The following PHLDB2 variants were observed in gnomAD, a reference collection of about 807,000 sequenced individuals.
PHLDB2 encodes the protein pleckstrin homology like domain family B member 2.
PHLDB2 carries 71 observed loss-of-function variants against 123.6 expected under a neutral mutation model. The ratio of observed to expected loss-of-function variants is 0.57; its 90% CI spans 0.47 to 0.70. The LOEUF (loss-of-function observed/expected upper bound fraction) is 0.70. PHLDB2 is among the 30% of genes least tolerant of loss of function. The pLI, the probability that PHLDB2 is intolerant of heterozygous loss-of-function variation, is 0.00. For synonymous variants in PHLDB2, 547 were observed against 541.6 expected, an observed-to-expected ratio of 1.01 and a Z score of -0.14; for missense variants, 1,446 against 1,519.5, an observed-to-expected ratio of 0.95 and a Z score of 0.80.
chr3:111,958,328 C>A, intron 12 of PHLDB2: 1 of 988,690 alleles, frequency 1.0e-6, no homozygotes. Context: ...GTTAGAAATA[C>A]TGGTTAATTT....
At chr3:111,768,777 G>C (rs568392757) in intron 1 of PHLDB2, among the ~76,000 whole-genome samples, 2 of 152,166 alleles carry the variant, frequency 1.3e-5, no homozygotes, top group African/African-American at 4.8e-5. Context: ...CTTGGAGTTT[G>C]CTCTGCCCTG....
chr3:111,958,792 C>A (rs1559922917), intron 12 of PHLDB2: 1 of 450,628 alleles, frequency 2.2e-6, no homozygotes, highest in East Asian at 7.0e-5. Context: ...AAAACAGAAA[C>A]CAAATAGTCT....
At chr3:111,953,902 C>T (rs768614834) in intron 11 of PHLDB2, 28 bp from the exon 12 acceptor site, 1 of 1,587,620 alleles carries the variant, frequency 6.3e-7, no homozygotes, top group Non-Finnish European at 8.6e-7. Flanking sequence ...TGCAGCTTGC[C>T]TGAAGTACTC....
chr3:111,955,159 A>C (rs994287854), intron 12 of PHLDB2, among the ~76,000 whole-genome samples: 12 of 138,886 alleles, frequency 8.6e-5, no homozygotes, highest in African/African-American at 3.3e-4. Flanking sequence ...ATATATATAT[A>C]TCTCTCACTG....
intron 1 of PHLDB2, among the ~76,000 whole-genome samples, chr3:111,734,948 G>A (rs893015178): frequency 6.6e-6 from 1 of 152,188 alleles, no homozygotes; most frequent in Non-Finnish European, 1.5e-5. Context: ...GATAAAACAG[G>A]CAAGAGCAAA....
At chr3:111,911,183 G>A (rs2067860782) in intron 2 of PHLDB2, among the ~76,000 whole-genome samples, 1 of 152,170 alleles carries the variant, frequency 6.6e-6, no homozygotes, top group Admixed American at 6.5e-5. Flanking sequence ...TATCTTTCAT[G>A]CTTTTGAACA....
Position 111,860,753 on chromosome 3 carries a change from C to G in PHLDB2, c.-15+1177C>G, listed in dbSNP as rs2064795359. Among the ~76,000 whole-genome samples, 3 of 152,336 alleles carry G rather than the reference C, an allele frequency of 2.0e-5. No homozygotes were observed. The South Asian group carries it at 6.2e-4, about 32-fold the overall frequency. On this transcript the variant is annotated intron_variant, in intron 1 of 17. Coordinates refer to ENST00000431670, the MANE Select transcript of PHLDB2 (RefSeq NM_001134438.2). ...TCCTCCGGGCGCCTGGCCCTGCCCT[C>G]TTCCCTAGAAATCTTTATCCTGCAA...
chr3:111,905,384 T>C (rs764972919), intron 2 of PHLDB2, among the ~76,000 whole-genome samples: 1 of 152,168 alleles, frequency 6.6e-6, no homozygotes, highest in Non-Finnish European at 1.5e-5. Context: ...TTTGAGACAG[T>C]GTCTCATTGT....
intron 2 of PHLDB2, among the ~76,000 whole-genome samples, chr3:111,850,578 C>T (rs1166238557): frequency 6.6e-6 from 1 of 152,102 alleles, no homozygotes; most frequent in Non-Finnish European, 1.5e-5. Context: ...CCAGCCTGGG[C>T]AATGTAGCAA....
chr3:111,734,043 G>A (rs1941598354), intron 1 of PHLDB2, among the ~76,000 whole-genome samples: 1 of 152,158 alleles, frequency 6.6e-6, no homozygotes, highest in South Asian at 2.1e-4. Context: ...AGTGTCTGAG[G>A]CAGTTAACTA....
chr3:111,922,584 GA>G (rs1457031650), intron 5 of PHLDB2, among the ~76,000 whole-genome samples: 1 of 152,184 alleles, frequency 6.6e-6, no homozygotes, highest in Non-Finnish European at 1.5e-5. Context: ...AAAAATGGCA[GA>G]AACTGGCTTG....
chr3:111,742,060 G>A (rs1421106070), intron 1 of PHLDB2, among the ~76,000 whole-genome samples: 1 of 152,154 alleles, frequency 6.6e-6, no homozygotes, highest in Non-Finnish European at 1.5e-5. Flanking sequence ...CTCTCCAAAT[G>A]TATTTATTCT....
intron 15 of PHLDB2, among the ~76,000 whole-genome samples, chr3:111,969,419 C>G (rs2072026365): frequency 6.6e-6 from 1 of 152,122 alleles, no homozygotes; most frequent in African/African-American, 2.4e-5. Flanking sequence ...GATAAATGAC[C>G]ATTTTTCATT....
intron 6 of PHLDB2, among the ~76,000 whole-genome samples, chr3:111,937,708 C>T (rs564460100): frequency 2.0e-5 from 3 of 149,362 alleles, no homozygotes; most frequent in East Asian, 3.9e-4. Flanking sequence ...CCTGGGAGGT[C>T]GAGGGTGCAG....
intron 1 of PHLDB2, among the ~76,000 whole-genome samples, chr3:111,804,196 C>T (rs549539336): frequency 3.3e-5 from 5 of 152,060 alleles, no homozygotes; most frequent in Non-Finnish European, 7.4e-5. Context: ...GTTAAACCCC[C>T]CAAGAACCAA....
At chr3:111,911,481 T>G in intron 2 of PHLDB2, 1 of 721,420 alleles carries the variant, frequency 1.4e-6, no homozygotes, top group Non-Finnish European at 2.2e-6. Flanking sequence ...TTCCAGATTG[T>G]TGGAGAAGTT....
intron 2 of PHLDB2, among the ~76,000 whole-genome samples, chr3:111,893,378 A>T (rs141438161): frequency 1.6e-3 from 248 of 152,154 alleles, no homozygotes; most frequent in African/African-American, 5.7e-3. Flanking sequence ...TTAATTTATT[A>T]AAAAAATGGC....
chr3:111,771,762 A>T (rs186490548), intron 1 of PHLDB2, among the ~76,000 whole-genome samples: 1 of 152,344 alleles, frequency 6.6e-6, no homozygotes, highest in Admixed American at 6.5e-5. Flanking sequence ...CTTTAACTTG[A>T]TCACCTGCAA....
intron 1 of PHLDB2, among the ~76,000 whole-genome samples, chr3:111,768,617 G>A (rs7630035): frequency 0.21 from 32,290 of 152,040 alleles, 3,841 homozygotes; most frequent in African/African-American, 0.31. Context: ...CAGCCAGTCC[G>A]TCCCTCACCC....
Sources: allele counts gnomAD v4.1 joint callset (sites outside exome capture counted in the v4.1 genomes callset), GRCh38; gene constraint gnomAD v4.1.1; transcripts MANE v1.5; gene names NCBI Gene and HGNC (gene_info 2026-07-23, HGNC 2026-07-21).